RYR2: variants seen among roughly 807,000 people sequenced by gnomAD.
RYR2 encodes ryanodine receptor 2, also known as cardiac muscle ryanodine receptor-calcium release channel.
Under a neutral mutation model 601.1 loss-of-function variants are expected in RYR2, and 227 were observed. The ratio of observed to expected loss-of-function variants is 0.38; its 90% CI spans 0.34 to 0.42. The LOEUF (loss-of-function observed/expected upper bound fraction) is 0.42. Among genes scored for constraint, RYR2 ranks in the 10% least tolerant of loss-of-function variants. The probability of loss-of-function intolerance (pLI) is 1.00; values close to 1 mark genes in which losing one functional copy is unlikely to be tolerated. For synonymous variants in RYR2, 2,223 were observed against 2,175.1 expected, an observed-to-expected ratio of 1.02 and a Z score of -0.61; for missense variants, 4,646 against 6,156.5, an observed-to-expected ratio of 0.75 and a Z score of 8.21.
chr1:237,139,427 A>G (rs1673145297), intron 1 of RYR2, among the ~76,000 whole-genome samples: 1 of 152,082 alleles, frequency 6.6e-6, no homozygotes, highest in Non-Finnish European at 1.5e-5. Flanking sequence ...TTTTGGGGGG[A>G]TAAAAATGTC....
chr1:237,744,662 C>CA (rs200837053), intron 80 of RYR2, among the ~76,000 whole-genome samples: 8,101 of 149,460 alleles, frequency 0.054, 379 homozygotes, highest in African/African-American at 0.14. Context: ...GTCTCAACAA[C>CA]AACAAAAAAG....
At chr1:237,536,022 C>CACT (rs894077004) in intron 25 of RYR2, among the ~76,000 whole-genome samples, 4 of 151,872 alleles carry the variant, frequency 2.6e-5, no homozygotes, top group African/African-American at 4.8e-5. Context: ...CAATATAAGT[C>CACT]ACTACTACTT....
chr1:237,159,370 A>C lies in RYR2; in HGVS notation c.49-111127A>C, dbSNP rs1675755288. ...TTAATAGTTATTTTGGTACAGGATG[A>C]AGTATAGTCTATGGGGCGTTTATCT... On this transcript the variant is annotated intron_variant, in intron 1 of 104. Coordinates refer to ENST00000366574, the MANE Select transcript of RYR2 (RefSeq NM_001035.3). Among the ~76,000 whole-genome samples, 11 of 152,298 alleles carry C rather than the reference A, an allele frequency of 7.2e-5. No homozygotes were observed. In the South Asian group the frequency reaches 2.3e-3, roughly 32 times the overall value.
intron 81 of RYR2, among the ~76,000 whole-genome samples, 171 bp from the exon 82 acceptor site, chr1:237,757,526 G>A (rs765161822): frequency 6.6e-6 from 1 of 152,100 alleles, no homozygotes; most frequent in Non-Finnish European, 1.5e-5. Context: ...TGCCAAATAT[G>A]CATTATTATT....
chr1:237,795,057 A>C (rs767368201), intron 95 of RYR2, among the ~76,000 whole-genome samples: 1 of 152,240 alleles, frequency 6.6e-6, no homozygotes, highest in Non-Finnish European at 1.5e-5. Flanking sequence ...ATTCTTCTCC[A>C]TTAAAGTATC....
chr1:237,818,058 G>A (rs1224084776), intron 100 of RYR2, among the ~76,000 whole-genome samples: 1 of 152,180 alleles, frequency 6.6e-6, no homozygotes, highest in East Asian at 1.9e-4. Flanking sequence ...TATGGGGAGA[G>A]CGGAGAGAGC....
At chr1:237,767,725 C>A (rs1032094577) in intron 84 of RYR2, among the ~76,000 whole-genome samples, 3 of 152,006 alleles carry the variant, frequency 2.0e-5, no homozygotes, top group Admixed American at 2.0e-4. Flanking sequence ...ATACTTAAGC[C>A]GCTTAAACAG....
At chr1:237,661,382 A>G (rs1683778594) in intron 56 of RYR2, among the ~76,000 whole-genome samples, 1 of 152,124 alleles carries the variant, frequency 6.6e-6, no homozygotes, top group African/African-American at 2.4e-5. Context: ...GCATTAAGAG[A>G]AATACCTAAT....
At chr1:237,364,288 G>C in intron 4 of RYR2, 70 bp from the exon 5 acceptor site, 1 of 1,396,810 alleles carries the variant, frequency 7.2e-7, no homozygotes, top group South Asian at 1.3e-5. Flanking sequence ...ATAAATAAGA[G>C]ATATTTTTAA....
rs562205718 is a variant in RYR2, at chr1:237,660,086, T to G, written c.8298+12T>G. On this transcript the variant is annotated intron_variant, in intron 55 of 104. Transcript: ENST00000366574. Reference sequence around the variant, plus strand: ...TATTGTCTGAAAAGGTAAGGATTTTTTGTTTGTTTTAGTTTGTAAAGTTTT... The same window carrying G: ...TATTGTCTGAAAAGGTAAGGATTTTGTGTTTGTTTTAGTTTGTAAAGTTTT... 1 of 1,460,862 alleles carries G rather than the reference T, an allele frequency of 6.8e-7. No individual in the cohort carries two copies. The highest frequency in any genetic ancestry group is 1.4e-5 in the African/African-American group (1 of 69,360). 90.5% of individuals were successfully genotyped at this position (1,460,862 alleles called of 1,614,324 possible).
intron 3 of RYR2, among the ~76,000 whole-genome samples, chr1:237,345,752 GTCTA>G (rs76142757): frequency 0.15 from 22,069 of 151,816 alleles, 1,752 homozygotes; most frequent in East Asian, 0.33. Flanking sequence ...TTCTAACAAA[GTCTA>G]TCTATTATTA....
At chr1:237,499,060 C>T (rs191357125) in intron 20 of RYR2, among the ~76,000 whole-genome samples, 12 of 151,814 alleles carry the variant, frequency 7.9e-5, no homozygotes, top group East Asian at 1.9e-4. Flanking sequence ...TCTTGGGGGT[C>T]GTTCTCCTGT....
intron 91 of RYR2, among the ~76,000 whole-genome samples, chr1:237,787,506 C>G (rs936515863): frequency 1.3e-5 from 2 of 149,570 alleles, no homozygotes; most frequent in Non-Finnish European, 3.0e-5. Context: ...GCAGGAGAAT[C>G]ACTTGAACCC....
At chr1:237,136,730 A>C (rs1182064981) in intron 1 of RYR2, among the ~76,000 whole-genome samples, 1 of 152,048 alleles carries the variant, frequency 6.6e-6, no homozygotes, top group African/African-American at 2.4e-5. Flanking sequence ...AAAGATGCTG[A>C]GCAGGCTGGG....
At chr1:237,616,539 T>G (rs1003873342) in intron 37 of RYR2, among the ~76,000 whole-genome samples, 5 of 152,208 alleles carry the variant, frequency 3.3e-5, no homozygotes, top group Non-Finnish European at 7.3e-5. Flanking sequence ...AATGCTCACC[T>G]TATTCTTTCT....
At chr1:237,203,405 G>C (rs185355231) in intron 1 of RYR2, among the ~76,000 whole-genome samples, 64 of 152,264 alleles carry the variant, frequency 4.2e-4, no homozygotes, top group Non-Finnish European at 7.6e-4. Context: ...GAGGAAATGA[G>C]TATTTTCATA....
chr1:237,314,089 G>C lies in RYR2; in HGVS notation c.169-16789G>C, dbSNP rs539539813. Among the ~76,000 whole-genome samples the C allele has an allele frequency of 4.4e-4, 57 of 130,234 alleles. No individual in the cohort carries two copies. In the South Asian group the frequency reaches 5.0e-3, roughly 12 times the overall value. 85.4% of individuals were successfully genotyped at this position (130,234 alleles called of 152,430 possible). A position where few individuals can be genotyped will look rare whatever the true frequency, so the allele number is the denominator to read the frequency against. On this transcript the variant is annotated intron_variant, in intron 2 of 104. Transcript: ENST00000366574. Reference sequence around the variant, plus strand: ...TTTTTTTTTTTTTTTTTTTGAGATGGAGTCTTGCTCTGTTGCCCAGGCTGG... The same window carrying C: ...TTTTTTTTTTTTTTTTTTTGAGATGCAGTCTTGCTCTGTTGCCCAGGCTGG...
rs151229088 is a variant in RYR2 at position 237,321,968 on chromosome 1, G to A, written c.169-8910G>A. 8.0e-3 allele frequency among the ~76,000 whole-genome samples: 1,223 copies of A among 152,238 alleles called. 10 individuals carry two copies. Among genetic ancestry groups the A allele is most frequent in the Admixed American group, 0.012 (191 of 15,286 alleles). On this transcript the variant is annotated intron_variant, in intron 2 of 104. Transcript: ENST00000366574. ...AGGAAGTGGACTATAGGGCAGGCTG[G>A]TTAATGCTTAGCTATGCTTCTACTC...
intron 84 of RYR2, among the ~76,000 whole-genome samples, chr1:237,768,421 A>T (rs1694011993): frequency 6.6e-6 from 1 of 152,216 alleles, no homozygotes; most frequent in African/African-American, 2.4e-5. Context: ...GGCGCAAAGA[A>T]TGAACTCAGA....
Sources: gnomAD v4.1 joint callset for allele counts (sites outside exome capture counted in the v4.1 genomes callset) on GRCh38, gnomAD v4.1.1 for gene constraint, MANE v1.5 for transcripts, NCBI Gene and HGNC (gene_info 2026-07-23, HGNC 2026-07-21) for gene names.